The following MCTP1 variants were observed in gnomAD, a reference collection of about 807,000 sequenced individuals.
MCTP1 encodes multiple C2 and transmembrane domain-containing protein 1.
In MCTP1, 69 loss-of-function variants were observed where a neutral mutation model predicts 120.6. That is an observed-to-expected ratio of 0.57 (90% CI 0.47 to 0.70). MCTP1 has a LOEUF of 0.70. Ranked by LOEUF, MCTP1 falls within the 30% of genes least tolerant of loss-of-function variation. MCTP1 has a pLI of 0.00. For missense variants in MCTP1, 1,203 were observed against 1,248.8 expected (o/e 0.96, Z 0.55); for synonymous variants, 529 against 493.1 (o/e 1.07, Z -0.96).
intron 2 of MCTP1, among the ~76,000 whole-genome samples, chr5:94,997,142 C>T (rs1056507074): frequency 4.6e-5 from 7 of 152,110 alleles, no homozygotes; most frequent in African/African-American, 1.7e-4. Context: ...CCTGCCCCCA[C>T]ACTTGCATAG....
chr5:94,856,979 A>G (rs1794835838), intron 17 of MCTP1, among the ~76,000 whole-genome samples: 1 of 151,680 alleles, frequency 6.6e-6, no homozygotes, highest in Admixed American at 6.6e-5. Flanking sequence ...CAAGAGAGAA[A>G]GGAGAGAGAT....
intron 17 of MCTP1, among the ~76,000 whole-genome samples, chr5:94,842,615 T>C (rs1310851892): frequency 6.6e-6 from 1 of 152,216 alleles, no homozygotes; most frequent in Non-Finnish European, 1.5e-5. Context: ...CTTTGCAATA[T>C]GATAAAGATA....
chr5:94,922,677 G>A (rs1301959995), intron 7 of MCTP1, among the ~76,000 whole-genome samples: 4 of 151,970 alleles, frequency 2.6e-5, no homozygotes, highest in East Asian at 3.9e-4. Flanking sequence ...TAGTAGAGAC[G>A]GGGCTTTGCC....
intron 17 of MCTP1, among the ~76,000 whole-genome samples, chr5:94,849,129 T>C (rs1302755107): frequency 6.6e-6 from 1 of 152,092 alleles, no homozygotes; most frequent in Non-Finnish European, 1.5e-5. Context: ...TATGCAGGAA[T>C]GGGAGTTTAT....
At chr5:95,167,398 A>G (rs1163766655) in intron 1 of MCTP1, among the ~76,000 whole-genome samples, 2 of 152,190 alleles carry the variant, frequency 1.3e-5, no homozygotes, top group African/African-American at 2.4e-5. Flanking sequence ...TAGCAGTATG[A>G]TTTATAATCC....
intron 2 of MCTP1, among the ~76,000 whole-genome samples, chr5:95,015,998 A>C: frequency 6.6e-6 from 1 of 152,264 alleles, no homozygotes. Flanking sequence ...ATAGCAAAAT[A>C]ATACTTTGTT....
At chr5:94,943,897 C>T (rs997371617) in intron 3 of MCTP1, among the ~76,000 whole-genome samples, 1 of 152,018 alleles carries the variant, frequency 6.6e-6, no homozygotes, top group Non-Finnish European at 1.5e-5. Context: ...TAAATCTGCT[C>T]TTGAATGGAT....
chr5:95,174,253 G>T (rs1284797056), intron 1 of MCTP1, among the ~76,000 whole-genome samples: 1 of 152,134 alleles, frequency 6.6e-6, no homozygotes, highest in Non-Finnish European at 1.5e-5. Flanking sequence ...TGAAGACCAT[G>T]TATCATATAA....
chr5:94,930,267 A>ATTTT (rs869306266), intron 6 of MCTP1, among the ~76,000 whole-genome samples: 72 of 100,934 alleles, frequency 7.1e-4, no homozygotes, highest in East Asian at 1.4e-3. Flanking sequence ...TTAAAGAAGA[A>ATTTT]TTTTTTTTTT....
At chr5:94,884,972 A>C (rs1800939957) in intron 12 of MCTP1, among the ~76,000 whole-genome samples, 1 of 152,208 alleles carries the variant, frequency 6.6e-6, no homozygotes, top group Admixed American at 6.5e-5. Context: ...GGGGCTGGCA[A>C]GTCACAAGTC....
intron 2 of MCTP1, among the ~76,000 whole-genome samples, chr5:95,004,394 G>A (rs181265239): frequency 4.3e-4 from 65 of 152,340 alleles, no homozygotes; most frequent in Admixed American, 2.2e-3. Flanking sequence ...CAAGCCCGCT[G>A]TAGAAATTTG....
intron 2 of MCTP1, among the ~76,000 whole-genome samples, chr5:94,970,171 G>A (rs1826478798): frequency 6.6e-6 from 1 of 151,924 alleles, no homozygotes; most frequent in Admixed American, 6.6e-5. Flanking sequence ...CTGAAGAGTA[G>A]TAGAAGGCAG....
intron 19 of MCTP1, among the ~76,000 whole-genome samples, chr5:94,769,798 A>G (rs1412880553): frequency 6.6e-6 from 1 of 152,220 alleles, no homozygotes; most frequent in African/African-American, 2.4e-5. Context: ...AAATAAATGA[A>G]CCATATCACC....
chr5:95,234,938 C>T (rs183168075), intron 1 of MCTP1, among the ~76,000 whole-genome samples: 1 of 152,110 alleles, frequency 6.6e-6, no homozygotes, highest in African/African-American at 2.4e-5. Flanking sequence ...TCTACACAAA[C>T]TCTTCCAAAA....
chr5:94,752,511 C>T (rs758127351), intron 19 of MCTP1, among the ~76,000 whole-genome samples: 6 of 151,994 alleles, frequency 3.9e-5, no homozygotes, highest in Admixed American at 6.6e-5. Flanking sequence ...TGCCTAAGGA[C>T]CACCCAGTTA....
chr5:94,988,474 C>G (rs942574078), intron 2 of MCTP1, among the ~76,000 whole-genome samples: 1 of 151,930 alleles, frequency 6.6e-6, no homozygotes. Flanking sequence ...ATATATTTTT[C>G]AAATGCTAAT....
intron 15 of MCTP1, 129 bp downstream of exon 15, chr5:94,870,743 C>T (rs181683198): frequency 3.7e-4 from 273 of 730,580 alleles, no homozygotes; most frequent in Non-Finnish European, 3.5e-4. Context: ...GTGGCAGAAG[C>T]GTATTCTCCA....
chr5:95,148,079 T>C lies in MCTP1; in HGVS notation c.721-130595A>G, dbSNP rs538105035. On this transcript the variant is annotated intron_variant, in intron 1 of 22. Transcript: ENST00000515393. ...TGCTGAGAGGTCTGCTGCTAGCCTA[T>C]TGGGGTTCCTTTTGTAAGTGGCCTG... Among the ~76,000 whole-genome samples, 163 of 152,334 alleles carry C rather than the reference T, an allele frequency of 1.1e-3. 2 individuals are homozygous for C. The highest frequency in any genetic ancestry group is 3.1e-3 in the African/African-American group (127 of 41,588).
intron 18 of MCTP1, among the ~76,000 whole-genome samples, chr5:94,779,471 C>G (rs1221120363): frequency 2.0e-5 from 3 of 152,126 alleles, no homozygotes; most frequent in African/African-American, 7.2e-5. Flanking sequence ...AATTTCCCTT[C>G]TACCGATTCT....
Sources: gnomAD v4.1 joint callset for allele counts (sites outside exome capture counted in the v4.1 genomes callset) on GRCh38, gnomAD v4.1.1 for gene constraint, MANE v1.5 for transcripts, NCBI Gene and HGNC (gene_info 2026-07-23, HGNC 2026-07-21) for gene names.